CNTN5: variants seen among roughly 807,000 people sequenced by gnomAD.
The protein encoded by CNTN5 is contactin-5.
Under a neutral mutation model 129.1 loss-of-function variants are expected in CNTN5, and 77 were observed. The observed-to-expected ratio is 0.60, with a 90% confidence interval of 0.50 to 0.72. The LOEUF (loss-of-function observed/expected upper bound fraction) is 0.72, where lower values mean the gene tolerates loss of function less well. Among genes scored for constraint, CNTN5 ranks in the 30% least tolerant of loss-of-function variants. CNTN5 has a pLI of 0.00. For synonymous variants in CNTN5, 509 were observed against 465.6 expected, an observed-to-expected ratio of 1.09 and a Z score of -1.20; for missense variants, 1,478 against 1,328.8, an observed-to-expected ratio of 1.11 and a Z score of -1.75.
chr11:99,964,382 G>T (rs554249506), intron 8 of CNTN5, among the ~76,000 whole-genome samples: 1 of 152,104 alleles, frequency 6.6e-6, no homozygotes, highest in South Asian at 2.1e-4. Context: ...GTTGAATTTT[G>T]TCAAAGGCCT....
At chr11:99,785,918 G>C (rs529325077) in intron 3 of CNTN5, among the ~76,000 whole-genome samples, 52 of 152,246 alleles carry the variant, frequency 3.4e-4, no homozygotes, top group African/African-American at 1.2e-3. Flanking sequence ...GGCAAAAGCT[G>C]GAGGCATTCC....
chr11:99,734,982 T>A (rs925857771), intron 3 of CNTN5, among the ~76,000 whole-genome samples: 2 of 151,464 alleles, frequency 1.3e-5, no homozygotes, highest in African/African-American at 4.9e-5. Flanking sequence ...CAGTCCGCCC[T>A]GGGGGAAAGA....
chr11:99,324,449 A>G (rs943109399), intron 1 of CNTN5, among the ~76,000 whole-genome samples: 4 of 152,216 alleles, frequency 2.6e-5, no homozygotes, highest in Admixed American at 6.5e-5. Context: ...TGATATGAGG[A>G]TGGCAAGTTC....
At chr11:99,649,809 C>T (rs181274062) in intron 3 of CNTN5, among the ~76,000 whole-genome samples, 1 of 151,696 alleles carries the variant, frequency 6.6e-6, no homozygotes, top group African/African-American at 2.4e-5. Context: ...TCATTTGGCT[C>T]TGTTTACTCA....
intron 1 of CNTN5, among the ~76,000 whole-genome samples, chr11:99,188,135 A>T (rs1858447945): frequency 6.6e-6 from 1 of 151,838 alleles, no homozygotes; most frequent in African/African-American, 2.4e-5. Context: ...ATAGGTGATT[A>T]GTTATATATC....
chr11:99,179,077 T>C (rs1857918962), intron 1 of CNTN5, among the ~76,000 whole-genome samples: 2 of 152,214 alleles, frequency 1.3e-5, no homozygotes, highest in Non-Finnish European at 2.9e-5. Flanking sequence ...TTAAGCATTA[T>C]ATACCTTCAT....
chr11:99,334,646 C>T (rs1397294737), intron 2 of CNTN5, among the ~76,000 whole-genome samples: 1 of 151,840 alleles, frequency 6.6e-6, no homozygotes, highest in East Asian at 1.9e-4. Context: ...CCACATGTGG[C>T]TATTGAATCC....
At chr11:99,301,737 T>G (rs1864649285) in intron 1 of CNTN5, among the ~76,000 whole-genome samples, 1 of 151,654 alleles carries the variant, frequency 6.6e-6, no homozygotes, top group Non-Finnish European at 1.5e-5. Flanking sequence ...AACCAATTAG[T>G]CTACACATTT....
intron 3 of CNTN5, among the ~76,000 whole-genome samples, chr11:99,623,058 A>C (rs930665096): frequency 6.6e-6 from 1 of 152,056 alleles, no homozygotes; most frequent in East Asian, 1.9e-4. Flanking sequence ...ATAGCAGTAC[A>C]TTGTTCATTT....
intron 2 of CNTN5, among the ~76,000 whole-genome samples, chr11:99,522,281 T>C (rs1355352045): frequency 2.0e-5 from 3 of 152,176 alleles, no homozygotes; most frequent in Non-Finnish European, 4.4e-5. Context: ...GTTGTCATTA[T>C]GGAATTAGCA....
chr11:99,404,747 T>C (rs1470962268), intron 2 of CNTN5, among the ~76,000 whole-genome samples: 1 of 152,162 alleles, frequency 6.6e-6, no homozygotes, highest in African/African-American at 2.4e-5. Context: ...TATTTTTTAT[T>C]GGTCACCACA....
Position 99,667,890 on chromosome 11 carries a change from C to T in CNTN5, c.55+111621C>T, listed in dbSNP as rs1599927. ...ATATCTGTGTAACAAACCACCATGG[C>T]ACCCATATACCTATGTAACAAACCT... On this transcript the variant is annotated intron_variant, in intron 3 of 24. Coordinates refer to ENST00000524871, the MANE Select transcript of CNTN5 (RefSeq NM_014361.4). Among the ~76,000 whole-genome samples, 1,151 of 152,098 alleles carry T rather than the reference C, an allele frequency of 7.6e-3. 95 individuals carry two copies. The East Asian group carries it at 0.19, about 24-fold the overall frequency.
intron 3 of CNTN5, among the ~76,000 whole-genome samples, chr11:99,567,222 TG>T (rs1949033824): frequency 6.6e-6 from 1 of 152,108 alleles, no homozygotes; most frequent in Admixed American, 6.5e-5. Context: ...AATATGAAGG[TG>T]AGACAAGAGA....
At chr11:99,683,186 G>A (rs1194223299) in intron 3 of CNTN5, among the ~76,000 whole-genome samples, 1 of 151,428 alleles carries the variant, frequency 6.6e-6, no homozygotes, top group Non-Finnish European at 1.5e-5. Flanking sequence ...TTTATTGTTA[G>A]TACTTCTCTA....
chr11:99,581,480 G>T (rs1288505882), intron 3 of CNTN5, among the ~76,000 whole-genome samples: 1 of 148,632 alleles, frequency 6.7e-6, no homozygotes, highest in Non-Finnish European at 1.5e-5. Flanking sequence ...TCTCTTTGTA[G>T]GTCACTAAGG....
chr11:100,033,973 A>C (rs1346360582), intron 9 of CNTN5, among the ~76,000 whole-genome samples: 3 of 152,210 alleles, frequency 2.0e-5, no homozygotes, highest in Non-Finnish European at 4.4e-5. Flanking sequence ...AGAAGAAAAA[A>C]AAAGACATTT....
intron 7 of CNTN5, among the ~76,000 whole-genome samples, chr11:99,940,501 C>T (rs990690944): frequency 6.6e-6 from 1 of 152,080 alleles, no homozygotes; most frequent in Admixed American, 6.6e-5. Flanking sequence ...TAAAGATACT[C>T]CTACATCATT....
chr11:99,654,913 A>AGT lies in CNTN5; in HGVS notation c.55+98647_55+98648dup, dbSNP rs1952294743. Among the ~76,000 whole-genome samples, 3 of 152,182 alleles carry AGT rather than the reference A, an allele frequency of 2.0e-5. No individual in the cohort carries two copies. The South Asian group carries it at 6.2e-4, about 32-fold the overall frequency. On this transcript the variant is annotated intron_variant, in intron 3 of 24. Coordinates refer to ENST00000524871, the MANE Select transcript of CNTN5 (RefSeq NM_014361.4). The stretch of plus-strand genomic sequence containing the variant: ...GCAGCAGAAAAAAAGGTTTAATCTT[A>AGT]GTGTCCCTGAATGAGGAGATGGGAG...
At chr11:99,520,038 A>G (rs79882844) in intron 2 of CNTN5, among the ~76,000 whole-genome samples, 3,329 of 152,220 alleles carry the variant, frequency 0.022, 103 homozygotes, top group East Asian at 0.097. Flanking sequence ...ACTGAACCAG[A>G]ATATTTAAAT....
Sources: gnomAD v4.1 joint callset for allele counts (sites outside exome capture counted in the v4.1 genomes callset) on GRCh38, gnomAD v4.1.1 for gene constraint, MANE v1.5 for transcripts, NCBI Gene and HGNC (gene_info 2026-07-23, HGNC 2026-07-21) for gene names.